ZFHX3: variants seen among roughly 807,000 people sequenced by gnomAD.
ZFHX3 encodes zinc finger homeobox protein 3.
A neutral mutation model predicts 279.1 loss-of-function variants in ZFHX3; 42 were observed. The observed-to-expected ratio is 0.15, with a 90% CI of 0.12 to 0.19. The LOEUF is 0.19. Among genes scored for constraint, ZFHX3 ranks in the 10% least tolerant of loss-of-function variants. The pLI is 1.00. For synonymous variants in ZFHX3, 2,293 were observed against 1,957.8 expected (o/e 1.17, Z -4.52); for missense variants, 4,981 against 4,754.0 (o/e 1.05, Z -1.40).
At position 72,957,539 on chromosome 16, in the gene ZFHX3, G is replaced by T; in HGVS notation, c.2607C>A (p.Asn869Lys). 2 of 1,614,210 alleles carry T rather than the reference G, an allele frequency of 1.2e-6. No individual in the cohort carries two copies. The highest frequency in any genetic ancestry group is 1.7e-6 in the Non-Finnish European group (2 of 1,180,032). The stretch of plus-strand genomic sequence containing the variant: ...CCATCTTCAGGTTGGGCAGGTTCAT[G>T]TTCTGGGCCAGGTAGTATTGGTAGA... ...AELYQYYLAQ[N>K]MNLPNLKMDS... The change falls in exon 2 of 10, where the codon AAC becomes AAA. Residue 869 changes from asparagine to lysine, a missense_variant. This residue lies in a region of ZFHX3 where 1,751 missense variants were observed against 1,770.0 expected (regional missense o/e 0.99). Coordinates refer to ENST00000268489, the MANE Select transcript of ZFHX3 (RefSeq NM_006885.4).
chr16:73,082,766 C>T (rs970318535), intron 8 of ZFHX3, among the ~76,000 whole-genome samples: 2 of 152,136 alleles, frequency 1.3e-5, no homozygotes, highest in African/African-American at 4.8e-5. Context: ...AGAATAAAAG[C>T]AGTCTTTGAA....
rs1395301216 is a variant in ZFHX3 at position 73,698,753 on chromosome 16, GAAGGAGACT to G, written c.-1607-18522_-1607-18514del. ...AAGGCCTGAGGAAATGTCACAGATA[GAAGGAGACT>G]AAGGAGACTAAGGAGTCACGACAAC... On this transcript the variant is annotated intron_variant, in intron 1 of 17. Transcript: ENST00000641206. 1.8e-4 allele frequency among the ~76,000 whole-genome samples: 28 copies of G among 152,290 alleles called. No homozygotes were observed. In the East Asian group the frequency reaches 4.1e-3, roughly 22 times the overall value.
Position 72,959,229 on chromosome 16 carries a change from C to A in ZFHX3, c.917G>T (p.Arg306Leu). 6.2e-7 allele frequency: 1 copy of A among 1,614,174 alleles called. No homozygotes were observed. Among genetic ancestry groups the A allele is most frequent in the East Asian group, 2.2e-5 (1 of 44,870 alleles). The part of the protein sequence containing the change: ...SFVTHAVHDH[R>L]MTLSEDERKI... ...CCGCTCGTCTTCGCTCAGGGTCATT[C>A]GATGGTCATGCACCGCGTGGGTCAC... The change falls in exon 2 of 10, where the codon CGA becomes CTA. Residue 306 changes from arginine to leucine, a missense_variant. This residue lies in a region of ZFHX3 where 1,068 missense variants were observed against 935.2 expected (regional missense o/e 1.14). Coordinates refer to ENST00000268489, the MANE Select transcript of ZFHX3 (RefSeq NM_006885.4).
At chr16:73,685,546 C>CCAA (rs2053074010) in intron 1 of ZFHX3, among the ~76,000 whole-genome samples, 1 of 152,220 alleles carries the variant, frequency 6.6e-6, no homozygotes, top group African/African-American at 2.4e-5. Context: ...CAATGAGACC[C>CCAA]TTCTCAGATT....
intron 7 of ZFHX3, among the ~76,000 whole-genome samples, chr16:73,105,713 A>C (rs1168674728): frequency 6.6e-6 from 1 of 152,158 alleles, no homozygotes; most frequent in Admixed American, 6.6e-5. Flanking sequence ...AGATCGTGCC[A>C]CTGCACTCCA....
At chr16:72,919,078 T>A (rs2039518054) in intron 3 of ZFHX3, among the ~76,000 whole-genome samples, 1 of 152,050 alleles carries the variant, frequency 6.6e-6, no homozygotes, top group African/African-American at 2.4e-5. Context: ...TGGAGGTTGT[T>A]AAAAACACAG....
At chr16:73,824,071 G>C (rs328320) in intron 1 of ZFHX3, among the ~76,000 whole-genome samples, 1 of 152,084 alleles carries the variant, frequency 6.6e-6, no homozygotes, top group Non-Finnish European at 1.5e-5. Flanking sequence ...GAAAATAAAC[G>C]AAAACGATGT....
intron 2 of ZFHX3, among the ~76,000 whole-genome samples, chr16:73,469,615 A>G (rs1209180564): frequency 5.5e-5 from 8 of 144,292 alleles, no homozygotes; most frequent in Non-Finnish European, 1.2e-4. Context: ...CCAACCTCCA[A>G]TATATATATA....
intron 4 of ZFHX3, among the ~76,000 whole-genome samples, chr16:73,284,222 C>T (rs774305424): frequency 7.1e-6 from 1 of 141,158 alleles, no homozygotes; most frequent in Non-Finnish European, 1.5e-5. Context: ...GAGGCTAAGG[C>T]GGGAGAACTG....
At chr16:73,001,661 T>TAA (rs34986346) in intron 1 of ZFHX3, among the ~76,000 whole-genome samples, 3 of 151,660 alleles carry the variant, frequency 2.0e-5, no homozygotes, top group African/African-American at 7.3e-5. Flanking sequence ...AAATTTTTTT[T>TAA]AAAAAAAGGT....
At chr16:73,399,681 G>A (rs1037484336) in intron 3 of ZFHX3, among the ~76,000 whole-genome samples, 3 of 152,170 alleles carry the variant, frequency 2.0e-5, no homozygotes, top group African/African-American at 7.2e-5. Flanking sequence ...AACAGGAATC[G>A]AGTGCTGTTT....
chr16:72,969,596 A>T (rs141385095), intron 1 of ZFHX3, among the ~76,000 whole-genome samples: 11 of 152,162 alleles, frequency 7.2e-5, no homozygotes, highest in African/African-American at 2.6e-4. Flanking sequence ...AACACACTAC[A>T]CTGAAGCAAC....
At chr16:73,848,852 T>C (rs762119190) in intron 1 of ZFHX3, among the ~76,000 whole-genome samples, 1 of 152,238 alleles carries the variant, frequency 6.6e-6, no homozygotes, top group African/African-American at 2.4e-5. Flanking sequence ...TCTCAAGTTT[T>C]TACTCATACG....
At chr16:73,670,031 C>T (rs766981174) in intron 2 of ZFHX3, among the ~76,000 whole-genome samples, 11 of 152,248 alleles carry the variant, frequency 7.2e-5, no homozygotes, top group African/African-American at 2.4e-4. Context: ...GCACCTGCAG[C>T]GACACCAGGA....
chr16:73,037,545 G>A (rs1034815353), intron 1 of ZFHX3, among the ~76,000 whole-genome samples: 1 of 152,128 alleles, frequency 6.6e-6, no homozygotes, highest in Non-Finnish European at 1.5e-5. Flanking sequence ...AAGAAACCTG[G>A]GGCTTGGAGC....
At chr16:73,852,747 T>C (rs1961621821) in intron 1 of ZFHX3, among the ~76,000 whole-genome samples, 1 of 152,190 alleles carries the variant, frequency 6.6e-6, no homozygotes, top group Non-Finnish European at 1.5e-5. Context: ...GGTCAAAGTT[T>C]CATCTCCATG....
intron 1 of ZFHX3, among the ~76,000 whole-genome samples, chr16:73,041,591 A>G (rs1209057008): frequency 1.3e-5 from 2 of 152,182 alleles, no homozygotes; most frequent in African/African-American, 4.8e-5. Flanking sequence ...ACGTTATCAA[A>G]TAACATAAGG....
intron 5 of ZFHX3, among the ~76,000 whole-genome samples, chr16:73,254,508 T>C (rs2013605228): frequency 6.6e-6 from 1 of 151,976 alleles, no homozygotes. Context: ...TGGGAAAGAA[T>C]CATGGGATTC....
At chr16:73,395,006 T>C (rs2143410563) in intron 3 of ZFHX3, among the ~76,000 whole-genome samples, 2 of 152,282 alleles carry the variant, frequency 1.3e-5, no homozygotes, top group South Asian at 4.1e-4. Flanking sequence ...TGGTTTTCAA[T>C]AAGGAGTGGT....
Sources: allele counts gnomAD v4.1 joint callset (sites outside exome capture counted in the v4.1 genomes callset), GRCh38; gene constraint gnomAD v4.1.1; regional missense constraint gnomAD v4.1.1; transcripts MANE v1.5; gene names NCBI Gene and HGNC (gene_info 2026-07-23, HGNC 2026-07-21).